PIK3CB: variants seen among roughly 807,000 people sequenced by gnomAD.
The protein encoded by PIK3CB is phosphatidylinositol-4,5-bisphosphate 3-kinase catalytic subunit beta, also known as phosphatidylinositol 4,5-bisphosphate 3-kinase catalytic subunit beta isoform.
In PIK3CB, 39 loss-of-function variants were observed where a neutral mutation model predicts 136.8. The ratio of observed to expected loss-of-function variants is 0.29; its 90% CI spans 0.22 to 0.37. The LOEUF (loss-of-function observed/expected upper bound fraction) is 0.37. Among genes scored for constraint, PIK3CB ranks in the 10% least tolerant of loss-of-function variants. The pLI, the probability that PIK3CB is intolerant of heterozygous loss-of-function variation, is 1.00. For missense variants in PIK3CB, 868 were observed against 1,275.4 expected, an observed-to-expected ratio of 0.68 and a Z score of 4.87; for synonymous variants, 428 against 436.6, an observed-to-expected ratio of 0.98 and a Z score of 0.25.
Position 138,694,862 on chromosome 3 carries a change from C to T in PIK3CB, c.1816G>A (p.Ala606Thr). Residue 606 changes from alanine (A) to threonine (T), a missense_variant, in exon 14 of 24, where the codon GCC (alanine) becomes ACC (threonine). By Grantham distance (58) the Ala-to-Thr change is moderately conservative (BLOSUM62 0). Around this residue, in one of 4 missense-constraint regions of PIK3CB, gnomAD observed 612 missense variants for 801.1 expected, o/e 0.76. Coordinates refer to ENST00000674063, the MANE Select transcript of PIK3CB (RefSeq NM_006219.3). ...TAGTTGAAATCCAGAAGCTCTAGGGCCTCCCGGGGGGGCAGTTTAGGCCAA... is the reference window on the plus strand; with the variant it reads ...TAGTTGAAATCCAGAAGCTCTAGGGTCTCCCGGGGGGGCAGTTTAGGCCAA... ...QIWPKLPPRE[A>T]LELLDFNYPD... is the part of the protein sequence containing the mutation. 6.2e-7 allele frequency: 1 copy of T among 1,612,624 alleles called. No homozygotes were observed. The highest frequency in any genetic ancestry group is 1.1e-5 in the South Asian group (1 of 90,702).
At chr3:138,779,027 CA>C (rs35287725) in intron 2 of PIK3CB, among the ~76,000 whole-genome samples, 8 of 144,336 alleles carry the variant, frequency 5.5e-5, no homozygotes, top group Admixed American at 6.9e-5. Context: ...CCTCTACTGC[CA>C]AAAAAAAAAA....
intron 8 of PIK3CB, among the ~76,000 whole-genome samples, chr3:138,729,196 A>G (rs2044912909): frequency 1.3e-5 from 2 of 151,128 alleles, no homozygotes; most frequent in Non-Finnish European, 3.0e-5. Flanking sequence ...CATGAGAATC[A>G]CTTGAACCCG....
At chr3:138,778,739 C>A in intron 2 of PIK3CB, 1 of 264,306 alleles carries the variant, frequency 3.8e-6, no homozygotes, top group Admixed American at 4.1e-5. Context: ...CTTTGTCAAG[C>A]TCATTTCCTG....
intron 1 of PIK3CB, among the ~76,000 whole-genome samples, chr3:138,816,926 C>T (rs1179449223): frequency 3.9e-5 from 6 of 152,224 alleles, no homozygotes; most frequent in Non-Finnish European, 5.9e-5. Context: ...ATTGGCCGGG[C>T]GCCGTGGCTC....
intron 2 of PIK3CB, among the ~76,000 whole-genome samples, chr3:138,792,242 T>C (rs1243358446): frequency 2.0e-5 from 3 of 152,226 alleles, no homozygotes; most frequent in African/African-American, 7.2e-5. Context: ...AATGGTTCTG[T>C]TGTGCCTGTA....
At chr3:138,802,982 A>T (rs1160751105) in intron 1 of PIK3CB, among the ~76,000 whole-genome samples, 3 of 152,248 alleles carry the variant, frequency 2.0e-5, no homozygotes, top group African/African-American at 7.2e-5. Flanking sequence ...AAAGAAATGT[A>T]CAAAAGAAAA....
chr3:138,771,620 A>G (rs1015965138), intron 2 of PIK3CB, among the ~76,000 whole-genome samples: 1 of 152,250 alleles, frequency 6.6e-6, no homozygotes, highest in Non-Finnish European at 1.5e-5. Context: ...AAGAATTGCT[A>G]TAACATTATA....
At chr3:138,705,766 C>A (rs1046816071) in intron 11 of PIK3CB, among the ~76,000 whole-genome samples, 2 of 151,478 alleles carry the variant, frequency 1.3e-5, no homozygotes, top group Non-Finnish European at 2.9e-5. Flanking sequence ...ATTTTTTTTT[C>A]TCCAGAGACA....
intron 8 of PIK3CB, among the ~76,000 whole-genome samples, chr3:138,732,006 C>T (rs992495241): frequency 1.3e-5 from 2 of 151,716 alleles, no homozygotes; most frequent in African/African-American, 4.8e-5. Context: ...AAAAATCTAG[C>T]TGAGGATATA....
rs1369052311 is a variant in PIK3CB at position 138,755,812 on chromosome 3, T to C, written c.339A>G (p.Thr113=). 6.2e-7 allele frequency: 1 copy of C among 1,613,290 alleles called. No individual in the cohort carries two copies. Among genetic ancestry groups the C allele is most frequent in the South Asian group, 1.1e-5 (1 of 91,026 alleles). ...RPFLPVLKLV[T]RSCDPGEKLD... ...ATTTTTCCCCTGGGTCACAACTTCT[T>C]GTCACTAATTTGAGAACTGGAAGAA... Residue 113 remains threonine (T), a synonymous_variant, in exon 4 of 24, where the codon ACA becomes ACG. Transcript: ENST00000674063.
At chr3:138,824,892 C>CAAA (rs57342129) in intron 1 of PIK3CB, among the ~76,000 whole-genome samples, 9 of 62,354 alleles carry the variant, frequency 1.4e-4, no homozygotes, top group Non-Finnish European at 3.3e-4. Context: ...TACAAAATAC[C>CAAA]AAAAAAAAAA....
At position 138,823,487 on chromosome 3, in the gene PIK3CB, G is replaced by A. The variant is rs147568361; in HGVS notation, c.-122+11208C>T. Among the ~76,000 whole-genome samples, 826 of 151,296 alleles carry A rather than the reference G, an allele frequency of 5.5e-3. 6 individuals carry two copies. Among genetic ancestry groups the A allele is most frequent in the African/African-American group, 0.018 (750 of 41,318 alleles). ...TGGGAGGTAGAGGTGGGCAGATCAC[G>A]AGGTCAGGAGATCGAGACCATCCTG... On this transcript the variant is annotated intron_variant, in intron 1 of 23. Coordinates refer to ENST00000674063, the MANE Select transcript of PIK3CB (RefSeq NM_006219.3).
chr3:138,776,287 T>C (rs914737785), intron 2 of PIK3CB, among the ~76,000 whole-genome samples: 5 of 152,208 alleles, frequency 3.3e-5, no homozygotes, highest in African/African-American at 1.2e-4. Context: ...GTTTCCTGAC[T>C]GAACGTAGCT....
intron 4 of PIK3CB, among the ~76,000 whole-genome samples, chr3:138,744,965 A>G (rs1476122013): frequency 6.6e-6 from 1 of 152,068 alleles, no homozygotes; most frequent in Non-Finnish European, 1.5e-5. Flanking sequence ...CCATACCACA[A>G]TCTATTTCTT....
At chr3:138,657,434 TC>T (rs1356155085) in intron 22 of PIK3CB, 1 of 359,158 alleles carries the variant, frequency 2.8e-6, no homozygotes, top group Non-Finnish European at 5.0e-6. Flanking sequence ...CAGAGAATGT[TC>T]TGAAACAGGT....
intron 2 of PIK3CB, among the ~76,000 whole-genome samples, chr3:138,764,433 G>C (rs1160390342): frequency 3.3e-5 from 5 of 151,896 alleles, no homozygotes; most frequent in Non-Finnish European, 4.4e-5. Flanking sequence ...GCCTGGGCAA[G>C]AGTGAGACTA....
chr3:138,798,230 T>G (rs535762862), intron 1 of PIK3CB, among the ~76,000 whole-genome samples: 1 of 152,144 alleles, frequency 6.6e-6, no homozygotes, highest in African/African-American at 2.4e-5. Context: ...GGTGGCACAA[T>G]AGCAGCTCAC....
At chr3:138,749,328 A>C (rs142034736) in intron 4 of PIK3CB, among the ~76,000 whole-genome samples, 22 of 152,272 alleles carry the variant, frequency 1.4e-4, no homozygotes, top group African/African-American at 5.3e-4. Flanking sequence ...AATTCCTGTA[A>C]ACATTAACCT....
chr3:138,761,833 G>A (rs2045667030), intron 2 of PIK3CB, among the ~76,000 whole-genome samples: 1 of 151,796 alleles, frequency 6.6e-6, no homozygotes, highest in African/African-American at 2.4e-5. Context: ...CCAGCTACTC[G>A]GGAGGCTGAG....
Sources: gnomAD v4.1 joint callset for allele counts (sites outside exome capture counted in the v4.1 genomes callset) on GRCh38, gnomAD v4.1.1 for gene constraint, gnomAD v4.1.1 regional missense constraint, MANE v1.5 for transcripts, NCBI Gene and HGNC (gene_info 2026-07-23, HGNC 2026-07-21) for gene names.